RTN1: variants seen among roughly 807,000 people sequenced by gnomAD.
The protein encoded by RTN1 is reticulon 1.
RTN1 carries 25 observed loss-of-function variants against 65.5 expected under a neutral mutation model. The ratio of observed to expected loss-of-function variants is 0.38; its 90% confidence interval spans 0.28 to 0.53. RTN1 has a LOEUF of 0.53. RTN1 is among the 20% of genes least tolerant of loss of function. RTN1 has a pLI of 0.79. For missense variants in RTN1, 983 were observed against 1,025.4 expected, an observed-to-expected ratio of 0.96 and a Z score of 0.57; for synonymous variants, 471 against 447.6, an observed-to-expected ratio of 1.05 and a Z score of -0.66.
At chr14:59,697,834 A>T (rs1312381453) in intron 3 of RTN1, among the ~76,000 whole-genome samples, 1 of 152,184 alleles carries the variant, frequency 6.6e-6, no homozygotes, top group Non-Finnish European at 1.5e-5. Context: ...GGGTGTGCAC[A>T]GTGAGGGAAG....
chr14:59,771,815 A>G (rs1885964559), intron 1 of RTN1, among the ~76,000 whole-genome samples: 4 of 152,326 alleles, frequency 2.6e-5, no homozygotes, highest in Non-Finnish European at 5.9e-5. Context: ...CTTCCTGTGG[A>G]TATGAGACAG....
rs773445718 is a variant in RTN1 at position 59,607,495 on chromosome 14, G to A, written c.1766-3C>T. 2.6e-5 allele frequency: 41 copies of A among 1,599,898 alleles called. No individual in the cohort carries two copies. The highest frequency in any genetic ancestry group is 3.4e-5 in the Non-Finnish European group (40 of 1,173,044). On this transcript the variant is annotated splice_region_variant and splice_polypyrimidine_tract_variant and intron_variant, in intron 3 of 8. Coordinates refer to ENST00000267484, the MANE Select transcript of RTN1 (RefSeq NM_021136.3). ...CCGCCAATACAACAGGTCAATAGCT[G>A]CAGGAGACACCAAACACACCCAGCT...
intron 1 of RTN1, among the ~76,000 whole-genome samples, chr14:59,760,746 G>T (rs944669620): frequency 6.6e-6 from 1 of 152,160 alleles, no homozygotes; most frequent in Non-Finnish European, 1.5e-5. Context: ...TGCACAACGT[G>T]CTTCACTTTT....
In RTN1 at chr14:59,804,929, G is replaced by A. The variant is rs530997843; in HGVS notation, c.242-58448C>T. On this transcript the variant is annotated intron_variant, in intron 1 of 8. Coordinates refer to ENST00000267484, the MANE Select transcript of RTN1 (RefSeq NM_021136.3). ...GGTTAAAGTGAGAATTTTGCAGATG[G>A]TGACTTTCACAGTGACCTACCCTCT... Among the ~76,000 whole-genome samples the A allele has an allele frequency of 3.3e-5, 5 of 152,310 alleles. No homozygotes were observed. In the South Asian group the frequency reaches 1.0e-3, roughly 32 times the overall value.
intron 1 of RTN1, among the ~76,000 whole-genome samples, chr14:59,828,582 G>C (rs963035118): frequency 6.6e-6 from 1 of 152,188 alleles, no homozygotes; most frequent in Admixed American, 6.5e-5. Context: ...CAGGAAAAAT[G>C]GGCAGCCCCA....
intron 2 of RTN1, among the ~76,000 whole-genome samples, chr14:59,735,172 C>T (rs1884978036): frequency 6.6e-6 from 1 of 152,186 alleles, no homozygotes; most frequent in South Asian, 2.1e-4. Context: ...AGATCCATTT[C>T]AGACAAGCGA....
chr14:59,733,526 G>A (rs1373408000), intron 2 of RTN1, among the ~76,000 whole-genome samples: 1 of 152,216 alleles, frequency 6.6e-6, no homozygotes, highest in Non-Finnish European at 1.5e-5. Context: ...GGAGTGCTCA[G>A]AGGAGGGGAG....
intron 2 of RTN1, among the ~76,000 whole-genome samples, chr14:59,733,079 C>CTTTTTTTTTT: frequency 1.4e-5 from 2 of 145,838 alleles, no homozygotes; most frequent in Admixed American, 1.4e-4. Context: ...GGTCAGACTG[C>CTTTTTTTTTT]TTTTTTTTTT....
chr14:59,726,545 C>A (rs1393418626), intron 3 of RTN1, among the ~76,000 whole-genome samples: 1 of 152,182 alleles, frequency 6.6e-6, no homozygotes, highest in African/African-American at 2.4e-5. Flanking sequence ...AGCAGGGGAA[C>A]TGGACCAGAG....
In RTN1 at chr14:59,825,525, T is replaced by C. The variant is rs2139633753; in HGVS notation, c.241+44865A>G. Among the ~76,000 whole-genome samples, 1 of 152,348 alleles carries C rather than the reference T, an allele frequency of 6.6e-6. No homozygotes were observed. Among genetic ancestry groups the C allele is most frequent in the East Asian group, 1.9e-4 (1 of 5,196 alleles). ...GCCTGAGGGGAAGCTGCCTGTGGTG[T>C]AGCCAGCAGCATGAGAGGAAGGCGG... On this transcript the variant is annotated intron_variant, in intron 1 of 8. Transcript: ENST00000267484. This position sits in a 1 kb window ranked among gnomAD's most constrained non-coding sequence, Gnocchi z 4.2.
chr14:59,742,050 C>T (rs1885126661), intron 2 of RTN1, among the ~76,000 whole-genome samples: 1 of 152,150 alleles, frequency 6.6e-6, no homozygotes, highest in African/African-American at 2.4e-5. Flanking sequence ...TTATTTACTA[C>T]AAGGTCTCAG....
chr14:59,662,754 A>G (rs1431662448), intron 3 of RTN1, among the ~76,000 whole-genome samples: 3 of 152,220 alleles, frequency 2.0e-5, no homozygotes, highest in Non-Finnish European at 4.4e-5. Flanking sequence ...CCACTGCTCA[A>G]TGAAATAAGA....
Position 59,803,336 on chromosome 14 carries a change from A to G in RTN1, c.242-56855T>C, listed in dbSNP as rs1886581080. 6.6e-6 allele frequency among the ~76,000 whole-genome samples: 1 copy of G among 152,194 alleles called. No homozygotes were observed. Among genetic ancestry groups the G allele is most frequent in the South Asian group, 2.1e-4 (1 of 4,820 alleles). On this transcript the variant is annotated intron_variant, in intron 1 of 8. Transcript: ENST00000267484. The surrounding 1 kb of genome is among the most constrained non-coding windows in gnomAD (Gnocchi z 5.6). ...TTCAATCCAGATGTGAAAAGTTTCC[A>G]CACGCTTAAGTAAGTTTTCATCCTT...
rs150698985 is a variant in RTN1 at position 59,667,195 on chromosome 14, A to G, written c.1766-59703T>C. 2.9e-3 allele frequency among the ~76,000 whole-genome samples: 440 copies of G among 152,292 alleles called. 1 individual carries two copies. The highest frequency in any genetic ancestry group is 0.01 in the African/African-American group (431 of 41,570). On this transcript the variant is annotated intron_variant, in intron 3 of 8. Coordinates refer to ENST00000267484, the MANE Select transcript of RTN1 (RefSeq NM_021136.3). Reference sequence around the variant, plus strand: ...AGACCAATATCCCTGATGAACATCAATGTGAAAATCCTCAATAAAATACTG... The same window carrying G: ...AGACCAATATCCCTGATGAACATCAGTGTGAAAATCCTCAATAAAATACTG...
chr14:59,624,602 C>T (rs546457558), intron 3 of RTN1, among the ~76,000 whole-genome samples: 3 of 152,202 alleles, frequency 2.0e-5, no homozygotes, highest in South Asian at 2.1e-4. Context: ...GTTAGGACTA[C>T]AGGCGTGTGC....
intron 3 of RTN1, among the ~76,000 whole-genome samples, chr14:59,712,477 T>C (rs1202412474): frequency 6.6e-6 from 1 of 152,180 alleles, no homozygotes; most frequent in Non-Finnish European, 1.5e-5. Flanking sequence ...TCCCACAATA[T>C]ACTTTGGAAA....
intron 1 of RTN1, among the ~76,000 whole-genome samples, chr14:59,771,627 G>A (rs975308932): frequency 1.8e-4 from 28 of 152,172 alleles, no homozygotes; most frequent in African/African-American, 6.5e-4. Flanking sequence ...CATAATAAAT[G>A]CCAAATGGCT....
At chr14:59,773,013 G>A (rs1197997040) in intron 1 of RTN1, among the ~76,000 whole-genome samples, 1 of 152,124 alleles carries the variant, frequency 6.6e-6, no homozygotes, top group Admixed American at 6.6e-5. Flanking sequence ...GGCTTATGCT[G>A]CATTCTGTCT....
chr14:59,644,643 T>C (rs924005389), intron 3 of RTN1, among the ~76,000 whole-genome samples: 17 of 152,210 alleles, frequency 1.1e-4, no homozygotes, highest in Middle Eastern at 3.2e-3. Context: ...CTGCAGACCC[T>C]GTTTCCATGG....
Sources: allele counts gnomAD v4.1 joint callset (sites outside exome capture counted in the v4.1 genomes callset), GRCh38; gene constraint gnomAD v4.1.1; non-coding constraint Gnocchi (gnomAD v3.1); transcripts MANE v1.5; gene names NCBI Gene and HGNC (gene_info 2026-07-23, HGNC 2026-07-21).